HYDIN: variants seen among roughly 807,000 people sequenced by gnomAD.
The protein encoded by HYDIN is axonemal central pair apparatus protein HYDIN.
Under a neutral mutation model 403.9 loss-of-function variants are expected in HYDIN, and 132 were observed. That is an observed-to-expected ratio of 0.33 (90% confidence interval 0.28 to 0.38). HYDIN has a LOEUF of 0.38. Among genes scored for constraint, HYDIN ranks in the 10% least tolerant of loss-of-function variants. The pLI is 1.00. For missense variants in HYDIN, 2,827 were observed against 5,009.5 expected (o/e 0.56, Z 13.15); for synonymous variants, 1,202 against 1,891.7 (o/e 0.64, Z 9.46).
intron 23 of HYDIN, among the ~76,000 whole-genome samples, chr16:71,003,398 A>C (rs1388047259): frequency 6.6e-6 from 1 of 152,166 alleles, no homozygotes; most frequent in African/African-American, 2.4e-5. Flanking sequence ...CTTTAAATAA[A>C]ATTATCATTT....
intron 64 of HYDIN, among the ~76,000 whole-genome samples, chr16:70,873,859 A>AGTG (rs2040282539): frequency 6.7e-6 from 1 of 148,572 alleles, no homozygotes; most frequent in Non-Finnish European, 1.5e-5. Flanking sequence ...CTCATTGAGT[A>AGTG]GTGGGGCTGT....
At chr16:71,024,076 G>A (rs938538391) in intron 21 of HYDIN, among the ~76,000 whole-genome samples, 3 of 152,212 alleles carry the variant, frequency 2.0e-5, no homozygotes, top group African/African-American at 4.8e-5. Context: ...CCAACACTGT[G>A]CCTAGCACAT....
At position 70,905,616 on chromosome 16, in the gene HYDIN, G is replaced by C. The variant is rs1230785339; in HGVS notation, c.8517-1552C>G. ...CCACTGCATTCCAGCCTGGGTGACG[G>C]AGTAAGACCCTATCTTAAAAAAAAA... On this transcript the variant is annotated intron_variant, in intron 50 of 85. Coordinates refer to ENST00000393567, the MANE Select transcript of HYDIN (RefSeq NM_001270974.2). Among the ~76,000 whole-genome samples, 4 of 128,262 alleles carry C rather than the reference G, an allele frequency of 3.1e-5. No individual in the cohort carries two copies. The East Asian group carries it at 8.5e-4, about 27-fold the overall frequency. 84.1% of individuals were successfully genotyped at this position (128,262 alleles called of 152,430 possible).
rs573008737 is a variant in HYDIN at position 71,191,598 on chromosome 16, T to C, written c.-23-4680A>G. ...TGCCAGAGAAAACCACACAGCAGCC[T>C]AGACTCACAACCTTGCAAATTCAGT... On this transcript the variant is annotated intron_variant, in intron 1 of 85. Transcript: ENST00000393567. 2.0e-3 allele frequency among the ~76,000 whole-genome samples: 312 copies of C among 152,268 alleles called. 1 individual carries two copies. The highest frequency in any genetic ancestry group is 6.4e-3 in the African/African-American group (266 of 41,524).
At chr16:71,084,545 C>T (rs1351683455) in intron 12 of HYDIN, among the ~76,000 whole-genome samples, 1 of 150,880 alleles carries the variant, frequency 6.6e-6, no homozygotes, top group Admixed American at 6.6e-5. Flanking sequence ...CATCACCATG[C>T]CCAGTTAATT....
At chr16:70,905,751 G>A (rs1597282482) in intron 50 of HYDIN, among the ~76,000 whole-genome samples, 5 of 151,010 alleles carry the variant, frequency 3.3e-5, no homozygotes, top group African/African-American at 4.9e-5. Flanking sequence ...GTGTCATCTC[G>A]CCCAACATCC....
intron 7 of HYDIN, among the ~76,000 whole-genome samples, chr16:71,143,978 TA>T (rs1454894274): frequency 6.6e-6 from 1 of 151,956 alleles, no homozygotes; most frequent in Non-Finnish European, 1.5e-5. Flanking sequence ...TGCTGACTCC[TA>T]AAGTATCTCC....
At chr16:71,073,054 C>G (rs527629234) in intron 13 of HYDIN, among the ~76,000 whole-genome samples, 1 of 152,328 alleles carries the variant, frequency 6.6e-6, no homozygotes, top group East Asian at 1.9e-4. Flanking sequence ...TAGAGGTTTT[C>G]TAAAAAAACA....
intron 28 of HYDIN, 92 bp downstream of exon 28, chr16:70,985,093 A>G (rs1400963409): frequency 5.6e-5 from 58 of 1,037,428 alleles, no homozygotes; most frequent in Non-Finnish European, 7.3e-5. Context: ...CAAAAAGAAA[A>G]AATCACACTT....
chr16:70,984,432 A>G (rs1482386025), intron 28 of HYDIN, among the ~76,000 whole-genome samples: 1 of 145,886 alleles, frequency 6.9e-6, no homozygotes, highest in African/African-American at 2.5e-5. Flanking sequence ...AGCTAAGACA[A>G]ATTGGGAAAA....
chr16:70,901,894 T>G (rs1335871770), intron 52 of HYDIN, among the ~76,000 whole-genome samples: 3 of 152,138 alleles, frequency 2.0e-5, no homozygotes, highest in Non-Finnish European at 2.9e-5. Context: ...AAGCATATGA[T>G]TTTTAAAAAT....
At chr16:71,191,035 A>C (rs1466769021) in intron 1 of HYDIN, among the ~76,000 whole-genome samples, 2 of 152,212 alleles carry the variant, frequency 1.3e-5, no homozygotes, top group East Asian at 3.8e-4. Context: ...GTTACGAATT[A>C]AAAGAGTCTT....
At chr16:70,978,525 G>A (rs538771081) in intron 30 of HYDIN, among the ~76,000 whole-genome samples, 787 of 151,326 alleles carry the variant, frequency 5.2e-3, no homozygotes, top group South Asian at 0.016. Flanking sequence ...CTGATCTCTC[G>A]AATCTACTCT....
chr16:71,094,710 T>C (rs1252332726), intron 10 of HYDIN, among the ~76,000 whole-genome samples: 1 of 152,384 alleles, frequency 6.6e-6, no homozygotes, highest in African/African-American at 2.4e-5. Context: ...TGCACTTGCA[T>C]GGAGTCAAAT....
chr16:71,200,693 C>A (rs917654181), intron 1 of HYDIN, among the ~76,000 whole-genome samples: 3 of 152,162 alleles, frequency 2.0e-5, no homozygotes, highest in African/African-American at 7.2e-5. Context: ...CACAAAAGAA[C>A]AATACATGTT....
intron 1 of HYDIN, among the ~76,000 whole-genome samples, chr16:71,202,038 T>A (rs2088045374): frequency 6.6e-6 from 1 of 152,242 alleles, no homozygotes; most frequent in South Asian, 2.1e-4. Flanking sequence ...TTTAAAGCCA[T>A]GTTTGCCTTA....
intron 10 of HYDIN, among the ~76,000 whole-genome samples, chr16:71,101,853 A>G (rs1029667178): frequency 6.6e-6 from 1 of 152,162 alleles, no homozygotes; most frequent in Non-Finnish European, 1.5e-5. Context: ...TATATCCTAG[A>G]AAAATTTGGC....
At chr16:70,824,197 G>A (rs1762691395) in intron 83 of HYDIN, among the ~76,000 whole-genome samples, 1 of 146,322 alleles carries the variant, frequency 6.8e-6, no homozygotes, top group Admixed American at 6.8e-5. Flanking sequence ...GGAGACTGGT[G>A]ATTTGGGTTC....
chr16:70,932,136 C>T (rs1351360840), intron 45 of HYDIN, among the ~76,000 whole-genome samples: 3 of 148,084 alleles, frequency 2.0e-5, no homozygotes, highest in Non-Finnish European at 4.5e-5. Context: ...GGGTGGATCA[C>T]CTGAGGTCAG....
Sources: allele counts gnomAD v4.1 joint callset (sites outside exome capture counted in the v4.1 genomes callset), GRCh38; gene constraint gnomAD v4.1.1; transcripts MANE v1.5; gene names NCBI Gene and HGNC (gene_info 2026-07-23, HGNC 2026-07-21).